The following DIDO1 variants were observed in gnomAD, a reference collection of about 807,000 sequenced individuals.
The protein encoded by DIDO1 is death inducer-obliterator 1.
Under a neutral mutation model 99.4 loss-of-function variants are expected in DIDO1, and 16 were observed. That is an observed-to-expected ratio of 0.16 (90% CI 0.11 to 0.24). The LOEUF is 0.24. Ranked by LOEUF, DIDO1 falls within the 10% of genes least tolerant of loss-of-function variation. The pLI, the probability that DIDO1 is intolerant of heterozygous loss-of-function variation, is 1.00. For synonymous variants in DIDO1, 1,366 were observed against 1,239.1 expected (o/e 1.10, Z -2.15); for missense variants, 2,996 against 3,014.0 (o/e 0.99, Z 0.14).
At position 62,879,851 on chromosome 20, in the gene DIDO1, C is replaced by A; in HGVS notation, c.6105G>T (p.Gln2035His). The change falls in exon 16 of 16, where the codon CAG (glutamine) becomes CAT (histidine). Residue 2035 changes from glutamine (Q) to histidine (H), a missense_variant. Physicochemically the swap from Gln to His is conservative, Grantham distance 24. Coordinates refer to ENST00000395343, the MANE Select transcript of DIDO1 (RefSeq NM_001193369.2). The surrounding 1 kb of genome is among the most constrained non-coding windows in gnomAD (Gnocchi z 6.3). ...CCTCCTCCCAGCGGTCCTTCCGGTGCTGCGGGGGGTGGCTGGGAAGCTCCA... is the reference window on the plus strand; with the variant it reads ...CCTCCTCCCAGCGGTCCTTCCGGTGATGCGGGGGGTGGCTGGGAAGCTCCA... ...PLLELPSHPPQHRKDRWEEAG... is the reference protein window; with the variant it reads ...PLLELPSHPPHHRKDRWEEAG... 1 of 1,599,132 alleles carries A rather than the reference C, an allele frequency of 6.3e-7. No homozygotes were observed. Among genetic ancestry groups the A allele is most frequent in the Non-Finnish European group, 8.5e-7 (1 of 1,173,730 alleles).
Position 62,907,477 on chromosome 20 carries a change from A to G in DIDO1, c.1162-118T>C, listed in dbSNP as rs1476498461. The G allele has an allele frequency of 1.2e-5, 11 of 948,962 alleles. No homozygotes were observed. The East Asian group carries it at 2.7e-4, about 23-fold the overall frequency. The allele number at this position is 948,962 out of a possible 1,614,324, so 58.8% of individuals were successfully genotyped here. A position where few individuals can be genotyped will look rare whatever the true frequency, so the allele number is the denominator to read the frequency against. The stretch of plus-strand genomic sequence containing the variant: ...GGCCACAGTTTCAAAATGAGATACT[A>G]ACAGTACTTTTAATATGAATAAACA... On this transcript the variant is annotated intron_variant, in intron 4 of 15. Coordinates refer to ENST00000395343, the MANE Select transcript of DIDO1 (RefSeq NM_001193369.2).
chr20:62,885,281 G>A (rs555966824), intron 15 of DIDO1, among the ~76,000 whole-genome samples: 6 of 152,140 alleles, frequency 3.9e-5, no homozygotes, highest in East Asian at 1.9e-4. Context: ...GTGGGGCCTC[G>A]TGTGGGGAAG....
At chr20:62,935,589 G>C (rs561100864) in intron 1 of DIDO1, among the ~76,000 whole-genome samples, 1 of 152,184 alleles carries the variant, frequency 6.6e-6, no homozygotes, top group Non-Finnish European at 1.5e-5. Flanking sequence ...AAGGCTGTTA[G>C]CTAGGGCCCA....
At chr20:62,886,773 C>G (rs1048426495) in intron 15 of DIDO1, among the ~76,000 whole-genome samples, 7 of 152,182 alleles carry the variant, frequency 4.6e-5, no homozygotes, top group African/African-American at 1.7e-4. Flanking sequence ...CTGCACCTGT[C>G]AAAACAAAAT....
At chr20:62,907,472 A>C in intron 4 of DIDO1, 113 bp from the exon 5 acceptor site, 1 of 982,054 alleles carries the variant, frequency 1.0e-6, no homozygotes. Flanking sequence ...TCAAAATGAG[A>C]TACTAACAGT....
At chr20:62,924,351 T>G (rs1023248569) in intron 1 of DIDO1, among the ~76,000 whole-genome samples, 2 of 152,222 alleles carry the variant, frequency 1.3e-5, no homozygotes, top group African/African-American at 4.8e-5. Flanking sequence ...TGTTAAACAC[T>G]TTCAATCTTA....
At chr20:62,934,218 G>A (rs1397674276) in intron 1 of DIDO1, among the ~76,000 whole-genome samples, 1 of 152,126 alleles carries the variant, frequency 6.6e-6, no homozygotes, top group Non-Finnish European at 1.5e-5. Context: ...CATGCTGGTG[G>A]CTTCAGGGCT....
chr20:62,930,144 G>A (rs956172400), upstream of DIDO1, among the ~76,000 whole-genome samples: 2 of 151,980 alleles, frequency 1.3e-5, no homozygotes, highest in African/African-American at 2.4e-5. Context: ...GGAGGCTAAG[G>A]TAGGAGAATC....
At chr20:62,921,876 C>T (rs1021114691) in intron 1 of DIDO1, among the ~76,000 whole-genome samples, 3 of 150,224 alleles carry the variant, frequency 2.0e-5, no homozygotes, top group Non-Finnish European at 4.4e-5. Flanking sequence ...TATATATCCA[C>T]AATATATATA....
rs1256689270 is a variant in DIDO1 at position 62,880,989 on chromosome 20, C to A, written c.4967G>T (p.Arg1656Leu). 10 of 1,605,622 alleles carry A rather than the reference C, an allele frequency of 6.2e-6. No individual in the cohort carries two copies. The highest frequency in any genetic ancestry group is 7.6e-6 in the Non-Finnish European group (9 of 1,178,954). Residue 1656 changes from arginine (R) to leucine (L), a missense_variant, in exon 16 of 16, where the codon CGG (arginine) becomes CTG (leucine). This residue lies in a region of DIDO1 where 1,562 missense variants were observed against 1,412.6 expected (regional missense o/e 1.11). Coordinates refer to ENST00000395343, the MANE Select transcript of DIDO1 (RefSeq NM_001193369.2). ...TVGDSSARPA[R>L]RVLLPTPPCG... ...AGGCGGTGTGGGCAGCAGCACCCTCCGGGCAGGCCTGGCCGAGCTGTCTCC... is the reference window on the plus strand; with the variant it reads ...AGGCGGTGTGGGCAGCAGCACCCTCAGGGCAGGCCTGGCCGAGCTGTCTCC...
chr20:62,881,167 T>C lies in DIDO1; in HGVS notation c.4789A>G (p.Arg1597Gly). 6.2e-7 allele frequency: 1 copy of C among 1,608,654 alleles called. No individual in the cohort carries two copies. The highest frequency in any genetic ancestry group is 8.5e-7 in the Non-Finnish European group (1 of 1,179,554). ...GGCGCCTGGCCCACGAGGCCACCCC[T>C]GGAAGCATCTCTCTCGGGCAGGGCA... is the stretch of plus-strand genomic sequence containing the variant. The part of the protein sequence containing the change: ...QGALPERDAS[R>G]GGLVGQAPMP... Residue 1597 changes from arginine (R) to glycine (G), a missense_variant, in exon 16 of 16, where the codon AGG (arginine) becomes GGG (glycine). Coordinates refer to ENST00000395343, the MANE Select transcript of DIDO1 (RefSeq NM_001193369.2). This position sits in a 1 kb window ranked among gnomAD's most constrained non-coding sequence, Gnocchi z 8.3.
chr20:62,906,753 G>C (rs1018496587), intron 5 of DIDO1, among the ~76,000 whole-genome samples: 5 of 151,710 alleles, frequency 3.3e-5, no homozygotes, highest in African/African-American at 1.2e-4. Context: ...ACAAACATGA[G>C]ACAACTCTGA....
At position 62,880,258 on chromosome 20, in the gene DIDO1, G is replaced by C; in HGVS notation, c.5698C>G (p.Leu1900Val). ...GGGGGGCCGCCTCGGGGGCCTTTCA[G>C]CTGAGACAGCAGTGGCCTTCTCTGG... ...GGQRRPLLSQ[L>V]KGPRGGPPPS... is the part of the protein sequence containing the mutation. Residue 1900 changes from leucine to valine, a missense_variant, in exon 16 of 16, where the codon CTG becomes GTG. Leu to Val is a conservative substitution (Grantham distance 32). This residue lies in a region of DIDO1 where 1,562 missense variants were observed against 1,412.6 expected (regional missense o/e 1.11). Coordinates refer to ENST00000395343, the MANE Select transcript of DIDO1 (RefSeq NM_001193369.2). 6.2e-7 allele frequency: 1 copy of C among 1,612,672 alleles called. No individual in the cohort carries two copies. Among genetic ancestry groups the C allele is most frequent in the Non-Finnish European group, 8.5e-7 (1 of 1,179,932 alleles).
intron 5 of DIDO1, among the ~76,000 whole-genome samples, 200 bp downstream of exon 5, chr20:62,906,947 A>G (rs1490504748): frequency 6.6e-6 from 1 of 152,196 alleles, no homozygotes; most frequent in African/African-American, 2.4e-5. Context: ...GCTTTACTGC[A>G]CTTGTGTTAA....
intron 15 of DIDO1, among the ~76,000 whole-genome samples, chr20:62,885,590 G>A (rs772371963): frequency 6.6e-6 from 1 of 152,170 alleles, no homozygotes; most frequent in Non-Finnish European, 1.5e-5. Flanking sequence ...AGCTCTTGGT[G>A]CTCTCAACTG....
At chr20:62,916,362 A>G (rs1455106783) in intron 1 of DIDO1, among the ~76,000 whole-genome samples, 3 of 152,184 alleles carry the variant, frequency 2.0e-5, no homozygotes, top group Non-Finnish European at 2.9e-5. Context: ...TATTGACTAG[A>G]AGCAGCTGAT....
rs1018818873 is a variant in DIDO1, at chr20:62,882,561, A to C, written c.3542-147T>G. ...GCAAAATAAGATCAAGTGTCAAGAC[A>C]GTTGCAAAAGCCTGGACGATTCCGC... On this transcript the variant is annotated intron_variant, in intron 15 of 15. Coordinates refer to ENST00000395343, the MANE Select transcript of DIDO1 (RefSeq NM_001193369.2). 19 of 849,826 alleles carry C rather than the reference A, an allele frequency of 2.2e-5. 1 individual carries two copies. In the African/African-American group the frequency reaches 2.4e-4, roughly 11 times the overall value. The allele number at this position is 849,826 out of a possible 1,614,324, so 52.6% of individuals were successfully genotyped here.
chr20:62,932,386 G>A (rs1440147359), intron 1 of DIDO1, among the ~76,000 whole-genome samples: 1 of 152,120 alleles, frequency 6.6e-6, no homozygotes, highest in Non-Finnish European at 1.5e-5. Context: ...AATAACTTAA[G>A]ACACAGAGAG....
At chr20:62,885,393 CA>C (rs1267174339) in intron 15 of DIDO1, among the ~76,000 whole-genome samples, 1 of 152,192 alleles carries the variant, frequency 6.6e-6, no homozygotes, top group Non-Finnish European at 1.5e-5. Context: ...GTGTGATGTA[CA>C]AAATCACTGT....
Sources: gnomAD v4.1 joint callset for allele counts (sites outside exome capture counted in the v4.1 genomes callset) on GRCh38, gnomAD v4.1.1 for gene constraint, gnomAD v4.1.1 regional missense constraint, Gnocchi (gnomAD v3.1) non-coding constraint, MANE v1.5 for transcripts, NCBI Gene and HGNC (gene_info 2026-07-23, HGNC 2026-07-21) for gene names.